Variants in FNBP1 observed in about 807,000 individuals in gnomAD.
FNBP1 encodes the protein formin-binding protein 1.
Under a neutral mutation model 90.6 loss-of-function variants are expected in FNBP1, and 26 were observed. The ratio of observed to expected loss-of-function variants is 0.29; its 90% CI spans 0.21 to 0.40. The LOEUF (loss-of-function observed/expected upper bound fraction) is 0.40, where lower values mean the gene tolerates loss of function less well. Among genes scored for constraint, FNBP1 ranks in the 10% least tolerant of loss-of-function variants. The pLI is 1.00. For missense variants in FNBP1, 635 were observed against 768.0 expected (o/e 0.83, Z 2.05); for synonymous variants, 260 against 265.2 (o/e 0.98, Z 0.19).
chr9:129,992,237 C>T (rs986917017), intron 2 of FNBP1, among the ~76,000 whole-genome samples: 5 of 152,136 alleles, frequency 3.3e-5, no homozygotes, highest in African/African-American at 7.2e-5. Context: ...AGAGCTCGCA[C>T]GTAGCCCATT....
intron 6 of FNBP1, among the ~76,000 whole-genome samples, chr9:129,938,135 C>G (rs1362007001): frequency 1.3e-5 from 2 of 152,010 alleles, no homozygotes; most frequent in East Asian, 3.9e-4. Flanking sequence ...TGCACTCCAG[C>G]CTGGGCAACA....
chr9:129,903,730 C>T (rs2037412938), intron 12 of FNBP1, among the ~76,000 whole-genome samples: 1 of 151,964 alleles, frequency 6.6e-6, no homozygotes, highest in Admixed American at 6.6e-5. Flanking sequence ...TGCGTTTTGC[C>T]ATGTTGCCCA....
chr9:129,980,256 A>G (rs2050982044), intron 2 of FNBP1, among the ~76,000 whole-genome samples: 1 of 151,296 alleles, frequency 6.6e-6, no homozygotes, highest in Non-Finnish European at 1.5e-5. Flanking sequence ...GCTACTCAGG[A>G]GGCTGAGGCA....
At chr9:129,915,819 T>G (rs1264117331) in intron 11 of FNBP1, 147 bp downstream of exon 11, 2 of 614,934 alleles carry the variant, frequency 3.3e-6, no homozygotes, top group Non-Finnish European at 5.8e-6. Context: ...CCAAGAAGTC[T>G]AATAAGGAAA....
chr9:129,983,158 C>T (rs571047549), intron 2 of FNBP1, among the ~76,000 whole-genome samples: 8 of 152,156 alleles, frequency 5.3e-5, no homozygotes, highest in Non-Finnish European at 8.8e-5. Context: ...GGAAGCCTTA[C>T]GTGACTCTGA....
chr9:129,920,279 C>T (rs538866460), intron 10 of FNBP1, among the ~76,000 whole-genome samples: 88 of 152,146 alleles, frequency 5.8e-4, no homozygotes, highest in African/African-American at 1.9e-3. Context: ...AACCAGTTTC[C>T]GATTCCCATT....
At chr9:129,893,638 G>T (rs1257167872) in intron 16 of FNBP1, among the ~76,000 whole-genome samples, 1 of 9,682 alleles carries the variant, frequency 1.0e-4, no homozygotes, top group Non-Finnish European at 2.1e-4. Flanking sequence ...AAAAAAAAAA[G>T]CCAGGCACGG....
At chr9:129,930,585 A>G (rs1161473762) in intron 6 of FNBP1, among the ~76,000 whole-genome samples, 3 of 152,220 alleles carry the variant, frequency 2.0e-5, no homozygotes, top group Non-Finnish European at 4.4e-5. Context: ...TAAAAAATCA[A>G]TAATTTACAC....
rs185488910 is a variant in FNBP1 at position 129,958,424 on chromosome 9, T to A, written c.408+67A>T. On this transcript the variant is annotated intron_variant, in intron 5 of 16. Transcript: ENST00000446176. ...TCCAACCTGGGCAACAGAGGGAGCC[T>A]CCGTCTCAAAAAAAAAGAAAAAAAA... 3 of 1,245,088 alleles carry A rather than the reference T, an allele frequency of 2.4e-6. No individual in the cohort carries two copies. In the Admixed American group the frequency reaches 7.1e-5, roughly 29 times the overall value. The allele number at this position is 1,245,088 out of a possible 1,614,324, so 77.1% of individuals were successfully genotyped here.
At chr9:130,024,254 A>C (rs906066992) in intron 1 of FNBP1, among the ~76,000 whole-genome samples, 58 of 147,996 alleles carry the variant, frequency 3.9e-4, no homozygotes, top group African/African-American at 6.7e-4. Context: ...TACCCCCCCC[A>C]AAAAAACAGG....
intron 2 of FNBP1, among the ~76,000 whole-genome samples, chr9:129,991,069 G>A (rs989557719): frequency 6.6e-6 from 1 of 151,488 alleles, no homozygotes; most frequent in Non-Finnish European, 1.5e-5. Context: ...GAGTAGGTAG[G>A]ATTACAGGCG....
intron 4 of FNBP1, among the ~76,000 whole-genome samples, chr9:129,976,640 A>T (rs1193054593): frequency 1.3e-5 from 2 of 152,108 alleles, no homozygotes; most frequent in Non-Finnish European, 2.9e-5. Context: ...TCATCCCTCA[A>T]GTCTTGTTAA....
intron 2 of FNBP1, among the ~76,000 whole-genome samples, chr9:129,985,106 A>G (rs1367853218): frequency 1.3e-5 from 2 of 151,964 alleles, no homozygotes; most frequent in Non-Finnish European, 2.9e-5. Flanking sequence ...CTGACTCTAT[A>G]AACACCTGTC....
intron 10 of FNBP1, 88 bp from the exon 11 acceptor site, chr9:129,916,068 A>C: frequency 1.1e-6 from 1 of 941,436 alleles, no homozygotes; most frequent in Non-Finnish European, 1.7e-6. Flanking sequence ...TCAGAAGAAG[A>C]GGAACTTGGT....
chr9:129,914,769 A>ATATATATC (rs1336468015), intron 11 of FNBP1: 2 of 125,710 alleles, frequency 1.6e-5, no homozygotes, highest in Admixed American at 8.1e-5. Context: ...ATATATATAT[A>ATATATATC]TATATATATA....
intron 4 of FNBP1, among the ~76,000 whole-genome samples, chr9:129,968,712 A>G (rs1382783077): frequency 2.6e-5 from 4 of 152,200 alleles, no homozygotes; most frequent in Non-Finnish European, 5.9e-5. Context: ...TAAATGGTCA[A>G]TTCTAAGTAA....
At chr9:130,048,349 G>A in the FNBP1 span, among the ~76,000 whole-genome samples, 1 of 109,312 alleles carries the variant, frequency 9.1e-6, no homozygotes, top group South Asian at 3.1e-4. Flanking sequence ...AAAAGACAGG[G>A]ATCTCATAGG....
At chr9:129,919,260 G>C (rs2040738905) in intron 10 of FNBP1, 1 of 1,224,328 alleles carries the variant, frequency 8.2e-7, no homozygotes, top group Non-Finnish European at 1.1e-6. Context: ...TAACCAGCAA[G>C]AGAACAAGAT....
intron 8 of FNBP1, among the ~76,000 whole-genome samples, chr9:129,926,872 C>T (rs1204400689): frequency 1.4e-5 from 2 of 143,714 alleles, no homozygotes; most frequent in Admixed American, 7.2e-5. Flanking sequence ...GGCAACAGAG[C>T]GAGATTCCAT....
Sources: gnomAD v4.1 joint callset for allele counts (sites outside exome capture counted in the v4.1 genomes callset) on GRCh38, gnomAD v4.1.1 for gene constraint, MANE v1.5 for transcripts, NCBI Gene and HGNC (gene_info 2026-07-23, HGNC 2026-07-21) for gene names.